SIM1: variants seen among roughly 807,000 people sequenced by gnomAD.
SIM1 encodes the protein single-minded homolog 1.
A neutral mutation model predicts 78.2 loss-of-function variants in SIM1; 18 were observed. The ratio of observed to expected loss-of-function variants is 0.23; its 90% CI spans 0.16 to 0.34. The LOEUF is 0.34. Among genes scored for constraint, SIM1 ranks in the 10% least tolerant of loss-of-function variants. The pLI, the probability that SIM1 is intolerant of heterozygous loss-of-function variation, is 1.00. For synonymous variants in SIM1, 417 were observed against 385.2 expected, an observed-to-expected ratio of 1.08 and a Z score of -0.97; for missense variants, 939 against 975.1, an observed-to-expected ratio of 0.96 and a Z score of 0.49.
chr6:100,420,662 C>A, intron 10 of SIM1, 128 bp downstream of exon 10: 1 of 875,156 alleles, frequency 1.1e-6, no homozygotes, highest in Non-Finnish European at 1.8e-6. Context: ...AGAGAACCTT[C>A]CAGATTTATA....
intron 9 of SIM1, among the ~76,000 whole-genome samples, chr6:100,440,307 T>A (rs1421668694): frequency 6.6e-6 from 1 of 152,162 alleles, no homozygotes; most frequent in East Asian, 1.9e-4. Context: ...TGTAGCATAG[T>A]CTTCATTCTA....
At position 100,429,575 on chromosome 6, in the gene SIM1, CTT is replaced by C. The variant is rs539943370; in HGVS notation, c.999-8619_999-8618del. On this transcript the variant is annotated intron_variant, in intron 9 of 11. Coordinates refer to ENST00000369208, the MANE Select transcript of SIM1 (RefSeq NM_005068.3). ...CACAATAAAGTAAAAAATTATCTCT[CTT>C]TGACATGTACTGTATATGCATATTG... Among the ~76,000 whole-genome samples, 26 of 152,098 alleles carry C rather than the reference CTT, an allele frequency of 1.7e-4. No individual in the cohort carries two copies. In the East Asian group the frequency reaches 4.8e-3, roughly 28 times the overall value.
intron 9 of SIM1, among the ~76,000 whole-genome samples, chr6:100,439,765 C>T (rs904253605): frequency 1.3e-5 from 2 of 152,180 alleles, no homozygotes; most frequent in African/African-American, 4.8e-5. Flanking sequence ...TTCTTATGAT[C>T]TCTTTTTCCC....
intron 9 of SIM1, among the ~76,000 whole-genome samples, chr6:100,423,315 C>G (rs1771643068): frequency 6.6e-6 from 1 of 152,188 alleles, no homozygotes; most frequent in African/African-American, 2.4e-5. Flanking sequence ...TCCCACTTGC[C>G]TCTATGAAGC....
At chr6:100,399,004 G>A (rs541454227) in intron 10 of SIM1, among the ~76,000 whole-genome samples, 5 of 151,850 alleles carry the variant, frequency 3.3e-5, no homozygotes, top group Admixed American at 1.3e-4. Context: ...GGGTGTGAGA[G>A]GTGTCTCATT....
intron 8 of SIM1, 50 bp from the exon 9 acceptor site, chr6:100,447,465 T>G (rs758044851): frequency 3.7e-6 from 6 of 1,608,824 alleles, no homozygotes; most frequent in Admixed American, 1.7e-5. Flanking sequence ...TGCCTGGGAC[T>G]GGCCCCAAAT....
chr6:100,458,442 C>T (rs926434061), intron 2 of SIM1, among the ~76,000 whole-genome samples: 3 of 152,188 alleles, frequency 2.0e-5, no homozygotes, highest in Admixed American at 6.5e-5. Flanking sequence ...TTCCCGGGAA[C>T]TGCCCAAACA....
rs373548424 is a variant in SIM1, at chr6:100,408,350, CTTTGT to C, written c.1167+12435_1167+12439del. On this transcript the variant is annotated intron_variant, in intron 10 of 11. Transcript: ENST00000369208. Reference sequence around the variant, plus strand: ...ACTGTTATTGTATGGATTATTATAGCTTTGTATAATAATATTGTTTGAAGCCTGGA... The same window carrying C: ...ACTGTTATTGTATGGATTATTATAGCATAATAATATTGTTTGAAGCCTGGA... Among the ~76,000 whole-genome samples, 410 of 152,028 alleles carry C rather than the reference CTTTGT, an allele frequency of 2.7e-3. 1 individual carries two copies. The highest frequency in any genetic ancestry group is 9.4e-3 in the African/African-American group (389 of 41,494).
At chr6:100,439,255 A>T (rs912590614) in intron 9 of SIM1, among the ~76,000 whole-genome samples, 1 of 152,168 alleles carries the variant, frequency 6.6e-6, no homozygotes, top group Non-Finnish European at 1.5e-5. Context: ...TGTTACAAGG[A>T]GTGCTTACTG....
intron 9 of SIM1, among the ~76,000 whole-genome samples, chr6:100,445,455 A>G (rs1772329725): frequency 6.6e-6 from 1 of 152,158 alleles, no homozygotes. Context: ...TATCCTCATT[A>G]CATCTTTTTA....
intron 3 of SIM1, 117 bp from the exon 4 acceptor site, chr6:100,450,473 G>T: frequency 1.2e-6 from 1 of 836,274 alleles, no homozygotes; most frequent in Non-Finnish European, 2.0e-6. Flanking sequence ...GAGTGGAGCA[G>T]GTTTGGCAGG....
In SIM1 at chr6:100,393,763, C is replaced by T; in HGVS notation, c.1294G>A (p.Ala432Thr). 1 of 1,614,194 alleles carries T rather than the reference C, an allele frequency of 6.2e-7. No homozygotes were observed. Among genetic ancestry groups the T allele is most frequent in the East Asian group, 2.2e-5 (1 of 44,882 alleles). ...PADRPGSQHD[A>T]SCAYRQFSDR... is the part of the protein sequence containing the mutation. Reference sequence around the variant, plus strand: ...GAAAACTGTCTGTAGGCGCACGATGCGTCGTGCTGGGAGCCAGGCCTATCG... The same window carrying T: ...GAAAACTGTCTGTAGGCGCACGATGTGTCGTGCTGGGAGCCAGGCCTATCG... The change falls in exon 11 of 12, where the codon GCA becomes ACA. Residue 432 changes from alanine to threonine, a missense_variant. Ala to Thr is a moderately conservative substitution (Grantham distance 58, BLOSUM62 0). This residue lies in a region of SIM1 where 556 missense variants were observed against 521.9 expected (regional missense o/e 1.07). Transcript: ENST00000369208.
In SIM1 at chr6:100,453,770, G is replaced by C; in HGVS notation, c.250C>G (p.Leu84Val). ...DNVGRELGSH[L>V]LQTLDGFIFV... ...AAGACCTGCACCTGTACCTGGAGCA[G>C]ATGGGAGCCCAGTTCTCGGCCAACG... Residue 84 changes from leucine to valine, a missense_variant, in exon 3 of 12, where the codon CTG becomes GTG. Around this residue, in one of 5 missense-constraint regions of SIM1, gnomAD observed 121 missense variants for 124.6 expected, o/e 0.97. Coordinates refer to ENST00000369208, the MANE Select transcript of SIM1 (RefSeq NM_005068.3). The C allele has an allele frequency of 6.2e-7, 1 of 1,611,306 alleles. No homozygotes were observed. The highest frequency in any genetic ancestry group is 8.5e-7 in the Non-Finnish European group (1 of 1,178,656).
rs757925681 is a variant in SIM1, at chr6:100,393,602, C to T, written c.1455G>A (p.Gly485=). Reference sequence around the variant, plus strand: ...CGCGAGAGCCCCACCAGGGCTCCCTCCCGGCCTGCGGCGTTCCCAGGAAGT... The same window carrying T: ...CGCGAGAGCCCCACCAGGGCTCCCTTCCGGCCTGCGGCGTTCCCAGGAAGT... ...GRYFLGTPQA[G]REPWWGSRAA... Residue 485 remains glycine, a synonymous_variant, in exon 11 of 12, where the codon GGG becomes GGA. Transcript: ENST00000369208. 9 of 1,613,960 alleles carry T rather than the reference C, an allele frequency of 5.6e-6. No individual in the cohort carries two copies. The highest frequency in any genetic ancestry group is 1.6e-4 in the Middle Eastern group (1 of 6,084).
intron 10 of SIM1, among the ~76,000 whole-genome samples, chr6:100,397,411 T>A (rs533673407): frequency 1.4e-4 from 22 of 152,196 alleles, no homozygotes; most frequent in African/African-American, 5.3e-4. Context: ...TTTTTGACAA[T>A]TCAGTGAAGG....
intron 10 of SIM1, among the ~76,000 whole-genome samples, chr6:100,396,268 A>G (rs1770764161): frequency 6.6e-6 from 1 of 152,004 alleles, no homozygotes; most frequent in Non-Finnish European, 1.5e-5. Flanking sequence ...CCAAGCTAGG[A>G]GTTGCCCAGA....
chr6:100,409,673 A>G (rs1771143443), intron 10 of SIM1, among the ~76,000 whole-genome samples: 1 of 152,066 alleles, frequency 6.6e-6, no homozygotes, highest in Admixed American at 6.5e-5. Context: ...AAGTGTTTAT[A>G]CACTTTCCTA....
chr6:100,439,082 C>G (rs191603701), intron 9 of SIM1, among the ~76,000 whole-genome samples: 6 of 152,014 alleles, frequency 3.9e-5, no homozygotes. Flanking sequence ...AACCAAAAAC[C>G]GTCTGTACCC....
At chr6:100,411,900 C>T (rs1033806203) in intron 10 of SIM1, among the ~76,000 whole-genome samples, 1 of 152,008 alleles carries the variant, frequency 6.6e-6, no homozygotes, top group African/African-American at 2.4e-5. Context: ...TGCATAAGCA[C>T]AAGCGTGGGG....
Sources: allele counts gnomAD v4.1 joint callset (sites outside exome capture counted in the v4.1 genomes callset), GRCh38; gene constraint gnomAD v4.1.1; regional missense constraint gnomAD v4.1.1; transcripts MANE v1.5; gene names NCBI Gene and HGNC (gene_info 2026-07-23, HGNC 2026-07-21).